The following PDE6D variants were observed in gnomAD, a reference collection of about 807,000 sequenced individuals.
The protein encoded by PDE6D is retinal rod rhodopsin-sensitive cGMP 3',5'-cyclic phosphodiesterase subunit delta.
PDE6D carries 10 observed loss-of-function variants against 21.9 expected under a neutral mutation model. The ratio of observed to expected loss-of-function variants is 0.46; its 90% CI spans 0.28 to 0.78. The LOEUF is 0.78. PDE6D is among the 30% of genes least tolerant of loss of function. PDE6D has a pLI of 0.12. For synonymous variants in PDE6D, 59 were observed against 63.5 expected, an observed-to-expected ratio of 0.93 and a Z score of 0.34; for missense variants, 139 against 184.8, an observed-to-expected ratio of 0.75 and a Z score of 1.44.
intron 1 of PDE6D, among the ~76,000 whole-genome samples, chr2:231,753,005 G>T (rs908275252): frequency 2.0e-5 from 3 of 149,696 alleles, no homozygotes; most frequent in Non-Finnish European, 3.0e-5. Context: ...CTAATTTTTT[G>T]TATTTTTAGT....
chr2:231,747,389 C>T (rs1217605258), intron 1 of PDE6D, among the ~76,000 whole-genome samples: 2 of 152,224 alleles, frequency 1.3e-5, no homozygotes, highest in African/African-American at 4.8e-5. Flanking sequence ...CCACACCCGA[C>T]CTATGATACT....
At chr2:231,747,846 A>G (rs1156559068) in intron 1 of PDE6D, among the ~76,000 whole-genome samples, 1 of 152,152 alleles carries the variant, frequency 6.6e-6, no homozygotes, top group Non-Finnish European at 1.5e-5. Context: ...ACCTCCCTTG[A>G]GAGGTTCTTG....
chr2:231,749,481 A>G (rs900635517), intron 1 of PDE6D, among the ~76,000 whole-genome samples: 5 of 151,528 alleles, frequency 3.3e-5, no homozygotes, highest in African/African-American at 1.2e-4. Context: ...TTGCCAAGGC[A>G]AGGCAAAGTC....
chr2:231,740,680 CAAAAAAAAAAAA>C (rs3074722), intron 1 of PDE6D, among the ~76,000 whole-genome samples: 1 of 57,004 alleles, frequency 1.8e-5, no homozygotes, highest in Non-Finnish European at 3.7e-5. Context: ...GACCCTGTCT[CAAAAAAAAAAAA>C]AAAAAAAAAA....
At chr2:231,752,943 T>C (rs955852442) in intron 1 of PDE6D, among the ~76,000 whole-genome samples, 3 of 149,162 alleles carry the variant, frequency 2.0e-5, no homozygotes, top group African/African-American at 7.4e-5. Flanking sequence ...CCCGTTCTCC[T>C]GCCTCAGCAT....
chr2:231,761,687 A>G (rs1164225220), intron 1 of PDE6D, among the ~76,000 whole-genome samples: 1 of 152,234 alleles, frequency 6.6e-6, no homozygotes, highest in Admixed American at 6.5e-5. Context: ...AAGAAACAAG[A>G]GTCAGGGTAA....
chr2:231,759,355 G>A (rs1451146741), intron 1 of PDE6D, among the ~76,000 whole-genome samples: 1 of 152,000 alleles, frequency 6.6e-6, no homozygotes, highest in African/African-American at 2.4e-5. Context: ...GGAAAAAAAG[G>A]AAAAAGGTAT....
Position 231,781,207 on chromosome 2 carries a change from T to C in PDE6D, c.-93A>G, listed in dbSNP as rs2049121756. 5 of 1,283,160 alleles carry C rather than the reference T, an allele frequency of 3.9e-6. No homozygotes were observed. The highest frequency in any genetic ancestry group is 1.2e-5 in the South Asian group (1 of 81,448). 79.5% of individuals were successfully genotyped at this position (1,283,160 alleles called of 1,614,324 possible). A position where few individuals can be genotyped will look rare whatever the true frequency, so the allele number is the denominator to read the frequency against. The stretch of plus-strand genomic sequence containing the variant: ...GCCGAGGATGGAGCCGCAGCCCGGC[T>C]TGGAGACCTCGGGCTAGCAGCCGCA... On this transcript the variant is annotated 5_prime_UTR_variant, in exon 1 of 5. Coordinates refer to ENST00000287600, the MANE Select transcript of PDE6D (RefSeq NM_002601.4).
In PDE6D at chr2:231,742,660, CT is replaced by C. The variant is rs964493784; in HGVS notation, c.51-3473del. The stretch of plus-strand genomic sequence containing the variant: ...TAATATAGATATAGTTTACATGTGT[CT>C]TTTTTTTGGTTTTCTTTTTTTGCTA... On this transcript the variant is annotated intron_variant, in intron 1 of 4. Transcript: ENST00000287600. Among the ~76,000 whole-genome samples the C allele has an allele frequency of 2.0e-5, 3 of 151,968 alleles. No homozygotes were observed. In the East Asian group the frequency reaches 5.8e-4, roughly 29 times the overall value.
intron 1 of PDE6D, 129 bp downstream of exon 1, chr2:231,780,936 T>C (rs2106293820): frequency 1.2e-6 from 1 of 840,656 alleles, no homozygotes; most frequent in South Asian, 1.5e-5. Context: ...ACGCTGTTCC[T>C]TTCCTCTCCC....
intron 1 of PDE6D, among the ~76,000 whole-genome samples, chr2:231,769,784 C>T (rs528231611): frequency 1.3e-5 from 2 of 152,216 alleles, no homozygotes; most frequent in East Asian, 3.9e-4. Flanking sequence ...AACAGAGAAT[C>T]ACAGAAAAGG....
intron 1 of PDE6D, among the ~76,000 whole-genome samples, chr2:231,757,849 G>A (rs2048895017): frequency 6.6e-6 from 1 of 151,842 alleles, no homozygotes; most frequent in Admixed American, 6.6e-5. Context: ...CTTTACCAAA[G>A]GAATGGCTGT....
intron 2 of PDE6D, 126 bp downstream of exon 2, chr2:231,738,974 G>T: frequency 1.7e-6 from 1 of 599,180 alleles, no homozygotes; most frequent in Non-Finnish European, 3.1e-6. Flanking sequence ...AACAACACAT[G>T]GATTAACATG....
At position 231,739,689 on chromosome 2, in the gene PDE6D, T is replaced by G. The variant is rs536525773; in HGVS notation, c.51-501A>C. On this transcript the variant is annotated intron_variant, in intron 1 of 4. Transcript: ENST00000287600. The surrounding 1 kb of genome is among the most constrained non-coding windows in gnomAD (Gnocchi z 4.2). ...CTCTGTCACACAGGCTGGAATGCAG[T>G]GGCACAATCTCGGCTCACTACAACC... is the stretch of plus-strand genomic sequence containing the variant. Among the ~76,000 whole-genome samples, 2 of 151,998 alleles carry G rather than the reference T, an allele frequency of 1.3e-5. No individual in the cohort carries two copies. The highest frequency in any genetic ancestry group is 3.9e-4 in the East Asian group (2 of 5,180).
At chr2:231,755,764 T>C (rs1176792204) in intron 1 of PDE6D, among the ~76,000 whole-genome samples, 1 of 151,934 alleles carries the variant, frequency 6.6e-6, no homozygotes, top group Non-Finnish European at 1.5e-5. Context: ...CTACTAAAAA[T>C]ACAAAATTAG....
intron 1 of PDE6D, among the ~76,000 whole-genome samples, chr2:231,763,301 T>C (rs551181347): frequency 1.3e-5 from 2 of 152,340 alleles, no homozygotes; most frequent in South Asian, 4.1e-4. Context: ...ATCTTGAGTT[T>C]CTCACTTAAT....
chr2:231,736,321 C>CA (rs1204639171), intron 4 of PDE6D, among the ~76,000 whole-genome samples: 1 of 149,768 alleles, frequency 6.7e-6, no homozygotes, highest in Non-Finnish European at 1.5e-5. Flanking sequence ...GGGACTAACT[C>CA]TTTTTTTTTT....
Position 231,737,806 on chromosome 2 carries a change from T to C in PDE6D, c.265+207A>G, listed in dbSNP as rs146426444. On this transcript the variant is annotated intron_variant, in intron 3 of 4. Transcript: ENST00000287600. ...GGCACCACCATCCACGCTCCCAGTG[T>C]CAGAGACCTCAAAGCCCCTTGTAGT... 2.8e-4 allele frequency: 144 copies of C among 515,460 alleles called. 1 individual carries two copies. Among genetic ancestry groups the C allele is most frequent in the Middle Eastern group, 2.3e-3 (7 of 3,096 alleles). 31.9% of individuals were successfully genotyped at this position (515,460 alleles called of 1,614,324 possible).
chr2:231,768,459 T>C (rs10208197), intron 1 of PDE6D: 45,196 of 152,058 alleles, frequency 0.3, 6,862 homozygotes, highest in Non-Finnish European at 0.33. Context: ...GGCGTGATCT[T>C]GGCTCACTGC....
Sources: gnomAD v4.1 joint callset for allele counts (sites outside exome capture counted in the v4.1 genomes callset) on GRCh38, gnomAD v4.1.1 for gene constraint, Gnocchi (gnomAD v3.1) non-coding constraint, MANE v1.5 for transcripts, NCBI Gene and HGNC (gene_info 2026-07-23, HGNC 2026-07-21) for gene names.